Variants in SLC25A26 observed in about 807,000 individuals in gnomAD.
SLC25A26 encodes the protein mitochondrial S-adenosylmethionine carrier protein.
SLC25A26 carries 36 observed loss-of-function variants against 37.8 expected under a neutral mutation model. The observed-to-expected ratio is 0.95, with a 90% CI of 0.73 to 1.26. The LOEUF is 1.26. Ranked by LOEUF, SLC25A26 falls within the 50% of genes most tolerant of loss-of-function variation. SLC25A26 has a pLI of 0.00. For missense variants in SLC25A26, 390 were observed against 331.1 expected, an observed-to-expected ratio of 1.18 and a Z score of -1.38; for synonymous variants, 129 against 122.5, an observed-to-expected ratio of 1.05 and a Z score of -0.35.
intron 5 of SLC25A26, among the ~76,000 whole-genome samples, chr3:66,295,277 G>A (rs1284037245): frequency 6.6e-6 from 1 of 152,172 alleles, no homozygotes; most frequent in African/African-American, 2.4e-5. Context: ...GGGCTGGAGT[G>A]CAGTGGCGCG....
At chr3:66,204,441 A>AAAAAAAAAAAAG (rs2071150607) in intron 1 of SLC25A26, among the ~76,000 whole-genome samples, 1 of 89,374 alleles carries the variant, frequency 1.1e-5, no homozygotes, top group Non-Finnish European at 2.0e-5. Flanking sequence ...AAAAAAAAAG[A>AAAAAAAAAAAAG]AAAAAAGAAA....
chr3:66,222,350 T>G lies in SLC25A26; in HGVS notation c.33+1223T>G, dbSNP rs186384023. Among the ~76,000 whole-genome samples, 87 of 152,156 alleles carry G rather than the reference T, an allele frequency of 5.7e-4. 1 individual carries two copies. The East Asian group carries it at 0.012, about 21-fold the overall frequency. On this transcript the variant is annotated intron_variant, in intron 1 of 9. Transcript: ENST00000354883. ...TGCCCGCCACTACGCCCAGCTAATT[T>G]TTTGGGTTTTTAGTGGAGACGGGGT... is the stretch of plus-strand genomic sequence containing the variant.
intron 7 of SLC25A26, among the ~76,000 whole-genome samples, chr3:66,369,048 AACAAAAAAAAAAAAC>A (rs1559746432): frequency 0.24 from 8,130 of 34,092 alleles, 1,395 homozygotes; most frequent in African/African-American, 0.51. Flanking sequence ...AAAAAACAAA[AACAAAAAAAAAAAAC>A]AAAAGACAGT....
rs77989691 is a variant in SLC25A26 at position 66,332,744 on chromosome 3, T to C, written c.454-13620T>C. Among the ~76,000 whole-genome samples, 455 of 152,128 alleles carry C rather than the reference T, an allele frequency of 3.0e-3. 3 individuals carry two copies. Among genetic ancestry groups the C allele is most frequent in the East Asian group, 0.016 (83 of 5,160 alleles). On this transcript the variant is annotated intron_variant, in intron 5 of 9. Coordinates refer to ENST00000354883, the MANE Select transcript of SLC25A26 (RefSeq NM_001379210.1). ...GAACTTTAGTATCTATCTAGTGGAA[T>C]AGATACAGATACATGAAACTGTGTA...
chr3:66,196,761 A>G (rs927207840), intron 1 of SLC25A26, among the ~76,000 whole-genome samples: 2 of 152,210 alleles, frequency 1.3e-5, no homozygotes, highest in Non-Finnish European at 1.5e-5. Context: ...TATACCCTAT[A>G]TAATCAACCA....
intron 5 of SLC25A26, among the ~76,000 whole-genome samples, chr3:66,278,822 C>T (rs1288763988): frequency 1.3e-5 from 2 of 152,188 alleles, no homozygotes; most frequent in Non-Finnish European, 1.5e-5. Flanking sequence ...CTCAACTATA[C>T]TTTCATTGTA....
intron 4 of SLC25A26, among the ~76,000 whole-genome samples, chr3:66,262,488 T>A (rs936152883): frequency 1.3e-5 from 2 of 152,202 alleles, no homozygotes; most frequent in Non-Finnish European, 2.9e-5. Flanking sequence ...TTTAGGTCCA[T>A]GGAAGAGATT....
intron 1 of SLC25A26, among the ~76,000 whole-genome samples, chr3:66,165,136 C>A (rs2070408577): frequency 6.6e-6 from 1 of 152,178 alleles, no homozygotes; most frequent in South Asian, 2.1e-4. Context: ...TGTGATGACA[C>A]TTAAGTGGCC....
At chr3:66,191,460 C>T (rs1363447741) in intron 1 of SLC25A26, among the ~76,000 whole-genome samples, 1 of 152,128 alleles carries the variant, frequency 6.6e-6, no homozygotes, top group African/African-American at 2.4e-5. Flanking sequence ...ACATTCCTCT[C>T]AAAAATATCT....
chr3:66,358,750 C>A (rs951582605), intron 6 of SLC25A26, among the ~76,000 whole-genome samples: 5 of 152,160 alleles, frequency 3.3e-5, no homozygotes, highest in Non-Finnish European at 7.3e-5. Flanking sequence ...TCCGGGCCTC[C>A]CAAAGTGCTA....
chr3:66,233,211 A>T (rs1159696870), intron 1 of SLC25A26, among the ~76,000 whole-genome samples: 6 of 152,226 alleles, frequency 3.9e-5, no homozygotes, highest in Admixed American at 2.0e-4. Flanking sequence ...TGTAATTCTG[A>T]CCTATAACTT....
At chr3:66,205,422 G>A (rs1223907151) in intron 1 of SLC25A26, among the ~76,000 whole-genome samples, 2 of 152,182 alleles carry the variant, frequency 1.3e-5, no homozygotes, top group Non-Finnish European at 2.9e-5. Flanking sequence ...GGATTGGAAT[G>A]GGGGTGCTTG....
intron 1 of SLC25A26, among the ~76,000 whole-genome samples, chr3:66,174,915 C>T (rs1213909612): frequency 6.6e-6 from 1 of 151,522 alleles, no homozygotes; most frequent in Non-Finnish European, 1.5e-5. Context: ...CAGCTGGCAC[C>T]ACACCTTCAT....
At chr3:66,286,665 C>T (rs2074523119) in intron 5 of SLC25A26, among the ~76,000 whole-genome samples, 1 of 151,926 alleles carries the variant, frequency 6.6e-6, no homozygotes, top group African/African-American at 2.4e-5. Context: ...GAGACCTTTC[C>T]CTTCGTTTTT....
intron 1 of SLC25A26, among the ~76,000 whole-genome samples, chr3:66,191,144 T>C (rs965557664): frequency 6.6e-6 from 1 of 152,168 alleles, no homozygotes; most frequent in Non-Finnish European, 1.5e-5. Context: ...ACAGCCCTAC[T>C]GTAAGGGACA....
At chr3:66,246,299 G>C (rs2072836924) in intron 3 of SLC25A26, among the ~76,000 whole-genome samples, 1 of 152,162 alleles carries the variant, frequency 6.6e-6, no homozygotes, top group African/African-American at 2.4e-5. Context: ...TTCACCTGGG[G>C]CCATCTTGCC....
At chr3:66,193,627 T>C (rs1319505069) in intron 1 of SLC25A26, among the ~76,000 whole-genome samples, 4 of 152,068 alleles carry the variant, frequency 2.6e-5, no homozygotes, top group Non-Finnish European at 5.9e-5. Flanking sequence ...AAATTCAGAA[T>C]TGTTTAGAAA....
intron 1 of SLC25A26, among the ~76,000 whole-genome samples, chr3:66,159,691 C>T (rs1424561524): frequency 6.6e-6 from 1 of 152,132 alleles, no homozygotes; most frequent in African/African-American, 2.4e-5. Context: ...ATACTTGTTC[C>T]AGGCATGTAC....
At chr3:66,349,745 G>A (rs1231831277) in intron 6 of SLC25A26, among the ~76,000 whole-genome samples, 1 of 152,080 alleles carries the variant, frequency 6.6e-6, no homozygotes, top group African/African-American at 2.4e-5. Context: ...TCATACAGAA[G>A]GTGTATGTTT....
Sources: allele counts gnomAD v4.1 joint callset (sites outside exome capture counted in the v4.1 genomes callset), GRCh38; gene constraint gnomAD v4.1.1; transcripts MANE v1.5; gene names NCBI Gene and HGNC (gene_info 2026-07-23, HGNC 2026-07-21).